The following PLEKHH2 variants were observed in gnomAD, a reference collection of about 807,000 sequenced individuals.
The protein encoded by PLEKHH2 is pleckstrin homology, MyTH4 and FERM domain containing H2.
Under a neutral mutation model 187.9 loss-of-function variants are expected in PLEKHH2, and 129 were observed. That is an observed-to-expected ratio of 0.69 (90% CI 0.59 to 0.79). PLEKHH2 has a LOEUF of 0.79. Among genes scored for constraint, PLEKHH2 ranks in the 30% least tolerant of loss-of-function variants. PLEKHH2 has a pLI of 0.00. For missense variants in PLEKHH2, 2,076 were observed against 1,751.2 expected, an observed-to-expected ratio of 1.19 and a Z score of -3.31; for synonymous variants, 686 against 605.6, an observed-to-expected ratio of 1.13 and a Z score of -1.95.
At chr2:43,658,370 C>T (rs1485978303) in intron 2 of PLEKHH2, among the ~76,000 whole-genome samples, 1 of 152,204 alleles carries the variant, frequency 6.6e-6, no homozygotes, top group African/African-American at 2.4e-5. Flanking sequence ...TAGTTTACTT[C>T]ATCTGTATTA....
At chr2:43,698,708 C>G (rs533230763) in intron 7 of PLEKHH2, among the ~76,000 whole-genome samples, 1 of 152,276 alleles carries the variant, frequency 6.6e-6, no homozygotes, top group Non-Finnish European at 1.5e-5. Context: ...TGTTCAGCCT[C>G]TAGTTCCTTA....
At chr2:43,732,511 C>T (rs757007860) in intron 19 of PLEKHH2, among the ~76,000 whole-genome samples, 16 of 152,158 alleles carry the variant, frequency 1.1e-4, no homozygotes, top group African/African-American at 3.9e-4. Context: ...CCTCTGGCCT[C>T]CTTCATCATC....
chr2:43,698,637 T>C (rs1669211932), intron 7 of PLEKHH2, among the ~76,000 whole-genome samples: 1 of 152,224 alleles, frequency 6.6e-6, no homozygotes. Flanking sequence ...TTGCTTGTAC[T>C]GATGCTCTTG....
intron 1 of PLEKHH2, among the ~76,000 whole-genome samples, chr2:43,640,840 A>G (rs896319620): frequency 2.0e-5 from 3 of 151,714 alleles, no homozygotes; most frequent in African/African-American, 7.3e-5. Flanking sequence ...GCTGGAGTGC[A>G]GTGGTGTGAA....
chr2:43,676,363 C>G (rs776355529), intron 2 of PLEKHH2: 6 of 1,513,004 alleles, frequency 4.0e-6, no homozygotes, highest in Non-Finnish European at 4.5e-6. Context: ...CAAAGGCAGC[C>G]TGGGACCGGG....
At chr2:43,688,345 A>T (rs1668629453) in intron 3 of PLEKHH2, among the ~76,000 whole-genome samples, 2 of 152,366 alleles carry the variant, frequency 1.3e-5, no homozygotes, top group South Asian at 4.1e-4. Flanking sequence ...GTAGTCTGGG[A>T]TTTAAAATAC....
chr2:43,704,089 A>G, intron 9 of PLEKHH2, 33 bp downstream of exon 9: 2 of 1,438,834 alleles, frequency 1.4e-6, no homozygotes, highest in South Asian at 1.2e-5. Flanking sequence ...ACCTGGATGA[A>G]CCTTGAGGAC....
chr2:43,711,017 A>C, intron 14 of PLEKHH2: 2 of 996,234 alleles, frequency 2.0e-6, no homozygotes, highest in Non-Finnish European at 2.4e-6. Flanking sequence ...CAAAGTGGGA[A>C]ATATATTGGT....
intron 3 of PLEKHH2, chr2:43,680,927 G>T (rs1668142431): frequency 1.4e-6 from 1 of 722,636 alleles, no homozygotes; most frequent in Non-Finnish European, 2.3e-6. Context: ...TATGTCCAGG[G>T]CCACTTTAGT....
rs1170203481 is a variant in PLEKHH2, at chr2:43,744,163, C to G, written c.3555+174C>G. 12 of 1,328,664 alleles carry G rather than the reference C, an allele frequency of 9.0e-6. No homozygotes were observed. In the Admixed American group the frequency reaches 3.5e-4, roughly 39 times the overall value. The allele number at this position is 1,328,664 out of a possible 1,614,324, so 82.3% of individuals were successfully genotyped here. The stretch of plus-strand genomic sequence containing the variant: ...AGGACTTTGTTAAACCCATAGAATT[C>G]TTAATACACAATCTCTACATATACA... On this transcript the variant is annotated intron_variant, in intron 23 of 29. Coordinates refer to ENST00000282406, the MANE Select transcript of PLEKHH2 (RefSeq NM_172069.4).
intron 1 of PLEKHH2, among the ~76,000 whole-genome samples, chr2:43,640,042 C>T (rs1703301898): frequency 6.6e-6 from 1 of 152,072 alleles, no homozygotes; most frequent in Non-Finnish European, 1.5e-5. Context: ...TTGCTCTGAA[C>T]ATTTATTTAC....
At chr2:43,647,748 A>G (rs780403233) in intron 2 of PLEKHH2, among the ~76,000 whole-genome samples, 1 of 152,100 alleles carries the variant, frequency 6.6e-6, no homozygotes, top group African/African-American at 2.4e-5. Flanking sequence ...ATAGTGCTCT[A>G]TACCTTCCCC....
chr2:43,655,431 T>C (rs946403734), intron 2 of PLEKHH2, among the ~76,000 whole-genome samples: 6 of 152,210 alleles, frequency 3.9e-5, no homozygotes, highest in African/African-American at 1.2e-4. Flanking sequence ...GATTTTTCTT[T>C]AGATAACACT....
intron 1 of PLEKHH2, among the ~76,000 whole-genome samples, chr2:43,640,606 T>C (rs1665855385): frequency 6.6e-6 from 1 of 152,172 alleles, no homozygotes; most frequent in African/African-American, 2.4e-5. Context: ...CCAACACTTG[T>C]TGTTAGATGT....
chr2:43,746,769 G>A (rs537139232), intron 24 of PLEKHH2, among the ~76,000 whole-genome samples: 35 of 151,892 alleles, frequency 2.3e-4, no homozygotes, highest in Non-Finnish European at 4.9e-4. Flanking sequence ...AGGAGATCGA[G>A]ACCATCCTGG....
Position 43,700,472 on chromosome 2 carries a change from C to T in PLEKHH2, c.1514C>T (p.Thr505Met), listed in dbSNP as rs147485721. Residue 505 changes from threonine (T) to methionine (M), a missense_variant, in exon 8 of 30, where the codon ACG becomes ATG. Coordinates refer to ENST00000282406, the MANE Select transcript of PLEKHH2 (RefSeq NM_172069.4). Reference sequence around the variant, plus strand: ...ACAGAAGTTTTAGAGAATATGGACACGAGTTGTGATGATGGATTATTTTCC... The same window carrying T: ...ACAGAAGTTTTAGAGAATATGGACATGAGTTGTGATGATGGATTATTTTCC... Reference protein sequence around the residue: ...DSTEVLENMDTSCDDGLFSYD... With the variant: ...DSTEVLENMDMSCDDGLFSYD... 37 of 1,613,966 alleles carry T rather than the reference C, an allele frequency of 2.3e-5. No homozygotes were observed. The highest frequency in any genetic ancestry group is 6.7e-5 in the East Asian group (3 of 44,870).
intron 3 of PLEKHH2, among the ~76,000 whole-genome samples, chr2:43,690,083 C>G (rs1451709209): frequency 6.6e-6 from 1 of 152,212 alleles, no homozygotes; most frequent in Admixed American, 6.5e-5. Flanking sequence ...TCATTTTGGA[C>G]TTGGGCTCTG....
chr2:43,727,424 A>T, intron 17 of PLEKHH2, among the ~76,000 whole-genome samples: 1 of 150,302 alleles, frequency 6.7e-6, no homozygotes. Flanking sequence ...AAAAAAAAGA[A>T]CAAAAACAAA....
chr2:43,757,102 T>C lies in PLEKHH2; in HGVS notation c.3796-17T>C, dbSNP rs1361854810. On this transcript the variant is annotated splice_polypyrimidine_tract_variant and intron_variant, in intron 25 of 29. Transcript: ENST00000282406. Reference sequence around the variant, plus strand: ...ACTCTTTTCAATATATTTTCACTTTTGTGGATTTCCAATTAGGTAGAGATT... The same window carrying C: ...ACTCTTTTCAATATATTTTCACTTTCGTGGATTTCCAATTAGGTAGAGATT... The C allele has an allele frequency of 1.3e-6, 2 of 1,544,650 alleles. No individual in the cohort carries two copies. The highest frequency in any genetic ancestry group is 1.7e-6 in the Non-Finnish European group (2 of 1,152,350).
Sources: allele counts gnomAD v4.1 joint callset (sites outside exome capture counted in the v4.1 genomes callset), GRCh38; gene constraint gnomAD v4.1.1; transcripts MANE v1.5; gene names NCBI Gene and HGNC (gene_info 2026-07-23, HGNC 2026-07-21).